The following TRIOBP variants were observed in gnomAD, a reference collection of about 807,000 sequenced individuals.
The protein encoded by TRIOBP is TRIO and F-actin binding protein.
A neutral mutation model predicts 238.8 loss-of-function variants in TRIOBP; 169 were observed. The ratio of observed to expected loss-of-function variants is 0.71; its 90% CI spans 0.62 to 0.80. The LOEUF is 0.80. Ranked by LOEUF, TRIOBP falls within the 30% of genes least tolerant of loss-of-function variation. TRIOBP has a pLI of 0.00. For synonymous variants in TRIOBP, 1,150 were observed against 1,274.4 expected (o/e 0.90, Z 2.08); for missense variants, 2,838 against 3,122.6 (o/e 0.91, Z 2.17).
chr22:37,729,286 G>A (rs1358418953), intron 7 of TRIOBP, among the ~76,000 whole-genome samples: 2 of 151,836 alleles, frequency 1.3e-5, no homozygotes, highest in Non-Finnish European at 2.9e-5. Context: ...CGTGATCATG[G>A]CTCACTGCGG....
chr22:37,771,873 G>T (rs747150652), intron 22 of TRIOBP, 137 bp downstream of exon 22: 8 of 788,064 alleles, frequency 1.0e-5, no homozygotes, highest in Admixed American at 2.0e-5. Context: ...TCCCATGTAG[G>T]TGTCATCATC....
chr22:37,734,739 G>A lies in TRIOBP; in HGVS notation c.4403G>A (p.Gly1468Glu), dbSNP rs780633118. 1 of 1,611,080 alleles carries A rather than the reference G, an allele frequency of 6.2e-7. No homozygotes were observed. The highest frequency in any genetic ancestry group is 8.5e-7 in the Non-Finnish European group (1 of 1,179,166). Reference sequence around the variant, plus strand: ...TGGGGATGTGGAGAGCCCAGCCTGGGGGCAGCCAAAGCCCCGGAGGGAGCA... The same window carrying A: ...TGGGGATGTGGAGAGCCCAGCCTGGAGGCAGCCAAAGCCCCGGAGGGAGCA... ...GWWGCGEPSLGAAKAPEGAWG... is the reference protein window; with the variant it reads ...GWWGCGEPSLEAAKAPEGAWG... Residue 1468 changes from glycine to glutamate, a missense_variant, in exon 9 of 24, where the codon GGG becomes GAG. By Grantham distance (98) the Gly-to-Glu change is moderately conservative. Coordinates refer to ENST00000644935, the MANE Select transcript of TRIOBP (RefSeq NM_001039141.3).
In TRIOBP at chr22:37,725,631, A is replaced by G; in HGVS notation, c.3075A>G (p.Arg1025=). The G allele has an allele frequency of 6.2e-7, 1 of 1,603,510 alleles. No individual in the cohort carries two copies. Among genetic ancestry groups the G allele is most frequent in the Non-Finnish European group, 8.5e-7 (1 of 1,176,072 alleles). The change falls in exon 7 of 24, where the codon CGA becomes CGG. Residue 1025 remains arginine, a synonymous_variant. Coordinates refer to ENST00000644935, the MANE Select transcript of TRIOBP (RefSeq NM_001039141.3). ...AVCIGHRDAP[R]ASSPPRYLQH... is the part of the protein sequence containing the mutation. ...GCATTGGGCACCGGGATGCCCCTCG[A>G]GCCTCTTCGCCCCCTCGCTATTTGC...
At chr22:37,766,899 T>C (rs1312250924) in intron 18 of TRIOBP, among the ~76,000 whole-genome samples, 1 of 149,708 alleles carries the variant, frequency 6.7e-6, no homozygotes, top group Non-Finnish European at 1.5e-5. Context: ...AGACAGAGGC[T>C]GCAGTGAGCT....
In TRIOBP at chr22:37,715,892, A is replaced by G; in HGVS notation, c.586A>G (p.Arg196Gly). The change falls in exon 6 of 24, where the codon AGG (arginine) becomes GGG (glycine). Residue 196 changes from arginine to glycine, a missense_variant. Transcript: ENST00000644935. ...SSQRAPSLLT[R>G]SPVGGDAAGQ... ...CCAAAGGGCTCCGTCTCTCCTCACC[A>G]GGTCCCCTGTGGGAGGAGATGCTGC... 6.2e-7 allele frequency: 1 copy of G among 1,613,554 alleles called. No individual in the cohort carries two copies. Among genetic ancestry groups the G allele is most frequent in the Non-Finnish European group, 8.5e-7 (1 of 1,179,860 alleles).
At position 37,769,161 on chromosome 22, in the gene TRIOBP, G is replaced by A. The variant is rs1193437173; in HGVS notation, c.6709G>A (p.Gly2237Ser). Residue 2237 changes from glycine to serine, a missense_variant, in exon 20 of 24, where the codon GGC becomes AGC. Physicochemically the swap from Gly to Ser is moderately conservative, Grantham distance 56 (BLOSUM62 0). Coordinates refer to ENST00000644935, the MANE Select transcript of TRIOBP (RefSeq NM_001039141.3). ...EHTLRRCQQEGQELLRHNQEL... is the reference protein window; with the variant it reads ...EHTLRRCQQESQELLRHNQEL... ...CACGCTGCGCCGCTGCCAGCAGGAG[G>A]GCCAGGAGCTGCTGCGCCACAACCA... The A allele has an allele frequency of 2.9e-5, 46 of 1,611,030 alleles. No individual in the cohort carries two copies. The highest frequency in any genetic ancestry group is 1.7e-4 in the Middle Eastern group (1 of 5,864).
At chr22:37,705,005 C>T (rs1032381639) in intron 3 of TRIOBP, among the ~76,000 whole-genome samples, 1 of 151,896 alleles carries the variant, frequency 6.6e-6, no homozygotes, top group Non-Finnish European at 1.5e-5. Context: ...CCCAGGAGTT[C>T]AAGGTTGCAG....
intron 7 of TRIOBP, among the ~76,000 whole-genome samples, chr22:37,727,782 T>C (rs778274272): frequency 1.3e-5 from 2 of 152,214 alleles, no homozygotes; most frequent in African/African-American, 2.4e-5. Flanking sequence ...AGTCCAGGTG[T>C]CTTTTGAGTC....
chr22:37,697,368 A>T (rs1922402501), intron 1 of TRIOBP, among the ~76,000 whole-genome samples: 2 of 152,006 alleles, frequency 1.3e-5, no homozygotes, highest in Non-Finnish European at 2.9e-5. Context: ...CCCCCAGGAA[A>T]ATGAGCGGCG....
chr22:37,709,458 G>T (rs1601620309), intron 3 of TRIOBP, among the ~76,000 whole-genome samples: 1 of 152,228 alleles, frequency 6.6e-6, no homozygotes, highest in Non-Finnish European at 1.5e-5. Context: ...CTGCCTCGGC[G>T]GCTGCTGCCA....
intron 5 of TRIOBP, among the ~76,000 whole-genome samples, chr22:37,715,371 C>G (rs1405310197): frequency 6.6e-6 from 1 of 150,520 alleles, no homozygotes; most frequent in African/African-American, 2.5e-5. Flanking sequence ...GAGACAGAGT[C>G]TCACTCTGTC....
chr22:37,750,110 G>C (rs1925504819), intron 11 of TRIOBP, among the ~76,000 whole-genome samples: 1 of 152,218 alleles, frequency 6.6e-6, no homozygotes, highest in Non-Finnish European at 1.5e-5. Context: ...CTGCGGGAGG[G>C]GAGGACCGCC....
In TRIOBP at chr22:37,734,546, G is replaced by A. The variant is rs1473210179; in HGVS notation, c.4210G>A (p.Glu1404Lys). The A allele has an allele frequency of 1.3e-6, 2 of 1,596,746 alleles. No individual in the cohort carries two copies. The highest frequency in any genetic ancestry group is 1.7e-6 in the Non-Finnish European group (2 of 1,172,144). Reference sequence around the variant, plus strand: ...CCCCAGGACATCAGCCAGGACCCCTGAGAGGGAGCTGCGGACACAGAGACC... The same window carrying A: ...CCCCAGGACATCAGCCAGGACCCCTAAGAGGGAGCTGCGGACACAGAGACC... ...LPPRTSARTP[E>K]RELRTQRPLE... The change falls in exon 9 of 24, where the codon GAG (glutamate) becomes AAG (lysine). Residue 1404 changes from glutamate (E) to lysine (K), a missense_variant. Around this residue, in one of 5 missense-constraint regions of TRIOBP, gnomAD observed 2,096 missense variants for 2,137.4 expected, o/e 0.98. Transcript: ENST00000644935.
intron 11 of TRIOBP, chr22:37,751,352 A>G (rs921979675): frequency 3.0e-6 from 1 of 336,026 alleles, no homozygotes; most frequent in Non-Finnish European, 5.9e-6. Flanking sequence ...TCCGTGGGGC[A>G]CTTGGTCCTC....
intron 3 of TRIOBP, among the ~76,000 whole-genome samples, chr22:37,702,505 C>G (rs928813696): frequency 4.2e-4 from 64 of 151,980 alleles, no homozygotes; most frequent in African/African-American, 1.4e-3. Flanking sequence ...CGCCTGGCCT[C>G]GAGAGTGTTT....
Position 37,713,249 on chromosome 22 carries a change from C to T in TRIOBP, c.294C>T (p.Pro98=). 1 of 1,613,880 alleles carries T rather than the reference C, an allele frequency of 6.2e-7. No individual in the cohort carries two copies. Among genetic ancestry groups the T allele is most frequent in the Non-Finnish European group, 8.5e-7 (1 of 1,179,876 alleles). The change falls in exon 5 of 24, where the codon CCC becomes CCT. Residue 98 remains proline (P), a synonymous_variant. Transcript: ENST00000644935. ...CAGCAGGGCTCCCAGAAGAGGGTCC[C>T]ACAGCTGCCCCCAGGAGCAGGAGCC... ...SPSAGLPEEG[P]TAAPRSRSRE...
intron 17 of TRIOBP, among the ~76,000 whole-genome samples, chr22:37,762,034 C>G (rs1367445501): frequency 6.6e-6 from 1 of 152,170 alleles, no homozygotes; most frequent in Non-Finnish European, 1.5e-5. Context: ...TTCGTACCCA[C>G]CTATAATCAG....
chr22:37,746,501 G>C (rs1020408049), intron 11 of TRIOBP: 6 of 1,213,422 alleles, frequency 4.9e-6, no homozygotes, highest in Admixed American at 3.2e-5. Flanking sequence ...TCTCCCCTCC[G>C]GGGCAGCCCC....
intron 11 of TRIOBP, chr22:37,751,235 ATC>A (rs1011292592): frequency 8.5e-6 from 3 of 351,516 alleles, no homozygotes; most frequent in Non-Finnish European, 1.8e-5. Flanking sequence ...TCCCAAAGAG[ATC>A]TAGGCGGGGA....
Sources: gnomAD v4.1 joint callset for allele counts (sites outside exome capture counted in the v4.1 genomes callset) on GRCh38, gnomAD v4.1.1 for gene constraint, gnomAD v4.1.1 regional missense constraint, MANE v1.5 for transcripts, NCBI Gene and HGNC (gene_info 2026-07-23, HGNC 2026-07-21) for gene names.